The following ADAMTSL1 variants were observed in gnomAD, a reference collection of about 807,000 sequenced individuals.
The protein encoded by ADAMTSL1 is ADAMTS-like protein 1.
ADAMTSL1 carries 126 observed loss-of-function variants against 201.8 expected under a neutral mutation model. That is an observed-to-expected ratio of 0.62 (90% CI 0.54 to 0.72). The LOEUF (loss-of-function observed/expected upper bound fraction) is 0.72, where lower values mean the gene tolerates loss of function less well. Among genes scored for constraint, ADAMTSL1 ranks in the 30% least tolerant of loss-of-function variants. The pLI is 0.00. For missense variants in ADAMTSL1, 2,679 were observed against 2,277.8 expected, an observed-to-expected ratio of 1.18 and a Z score of -3.59; for synonymous variants, 1,121 against 903.4, an observed-to-expected ratio of 1.24 and a Z score of -4.32.
intron 2 of ADAMTSL1, among the ~76,000 whole-genome samples, chr9:18,358,811 C>G (rs907843264): frequency 3.9e-5 from 6 of 152,018 alleles, no homozygotes; most frequent in African/African-American, 1.5e-4. Flanking sequence ...TATCTTGGCT[C>G]TTATTAATAA....
chr9:18,111,713 A>C (rs1029149645), intron 1 of ADAMTSL1, among the ~76,000 whole-genome samples: 1 of 152,162 alleles, frequency 6.6e-6, no homozygotes, highest in Non-Finnish European at 1.5e-5. Context: ...CATGTAGTTA[A>C]ATAATACAGA....
At position 17,914,129 on chromosome 9, in the gene ADAMTSL1, C is replaced by G. The variant is rs537301170; in HGVS notation, c.87+7207C>G. Among the ~76,000 whole-genome samples the G allele has an allele frequency of 9.9e-5, 15 of 152,272 alleles. No individual in the cohort carries two copies. In the East Asian group the frequency reaches 2.1e-3, roughly 22 times the overall value. On this transcript the variant is annotated intron_variant, in intron 1 of 29. Coordinates refer to the ADAMTSL1 transcript ENST00000680146. ...TGGTACCATTCCTTCTGAAACTATTCCAATCAATAGAAAAAGAGGGAATCC... is the reference window on the plus strand; with the variant it reads ...TGGTACCATTCCTTCTGAAACTATTGCAATCAATAGAAAAAGAGGGAATCC...
chr9:18,338,852 A>G (rs1835353308), intron 2 of ADAMTSL1, among the ~76,000 whole-genome samples: 2 of 151,734 alleles, frequency 1.3e-5, no homozygotes, highest in Admixed American at 6.6e-5. Context: ...TTTAGCTCCC[A>G]CTTATAAGTG....
At chr9:18,451,342 A>G (rs1820397622) in intron 2 of ADAMTSL1, among the ~76,000 whole-genome samples, 1 of 152,188 alleles carries the variant, frequency 6.6e-6, no homozygotes, top group Non-Finnish European at 1.5e-5. Flanking sequence ...AACCTAGCTT[A>G]TAATTAGTTT....
At chr9:18,082,270 T>G (rs1385564795) in intron 1 of ADAMTSL1, among the ~76,000 whole-genome samples, 1 of 152,132 alleles carries the variant, frequency 6.6e-6, no homozygotes, top group Non-Finnish European at 1.5e-5. Flanking sequence ...TAGTAGAAAA[T>G]GTAAACTACA....
At chr9:18,392,082 C>T (rs7868683) in intron 2 of ADAMTSL1, among the ~76,000 whole-genome samples, 90,843 of 151,696 alleles carry the variant, frequency 0.6, 28,576 homozygotes, top group East Asian at 0.9. Flanking sequence ...CCTCGGCCTC[C>T]CAAAGTGCTG....
intron 9 of ADAMTSL1, among the ~76,000 whole-genome samples, chr9:18,672,980 C>T (rs946758246): frequency 1.3e-5 from 2 of 152,108 alleles, no homozygotes; most frequent in African/African-American, 4.8e-5. Flanking sequence ...GAACTGTGTG[C>T]CTGGTGGTCA....
At position 17,980,328 on chromosome 9, in the gene ADAMTSL1, A is replaced by T. The variant is rs1009596849; in HGVS notation, c.87+73406A>T. Among the ~76,000 whole-genome samples, 4 of 151,426 alleles carry T rather than the reference A, an allele frequency of 2.6e-5. No homozygotes were observed. The East Asian group carries it at 7.8e-4, about 29-fold the overall frequency. On this transcript the variant is annotated intron_variant, in intron 1 of 29. Coordinates refer to the ADAMTSL1 transcript ENST00000680146. ...TCTTGCTGACATTACCCCCCACCACATCTCTTTTTATTCTGCATTTTCCAT... is the reference window on the plus strand; with the variant it reads ...TCTTGCTGACATTACCCCCCACCACTTCTCTTTTTATTCTGCATTTTCCAT...
intron 2 of ADAMTSL1, among the ~76,000 whole-genome samples, chr9:18,427,650 C>T (rs1015719217): frequency 2.0e-5 from 3 of 152,264 alleles, no homozygotes; most frequent in Admixed American, 2.0e-4. Context: ...CTCTCTTAAA[C>T]TCTCAGGAGA....
At chr9:18,080,475 A>G (rs1015068746) in intron 1 of ADAMTSL1, among the ~76,000 whole-genome samples, 2 of 152,192 alleles carry the variant, frequency 1.3e-5, no homozygotes, top group Non-Finnish European at 2.9e-5. Context: ...TATCAGAGAA[A>G]AAGGTACTTG....
At chr9:18,687,827 G>A (rs548525983) in intron 13 of ADAMTSL1, among the ~76,000 whole-genome samples, 55 of 152,228 alleles carry the variant, frequency 3.6e-4, no homozygotes, top group African/African-American at 1.3e-3. Flanking sequence ...TAAATAACAC[G>A]TTATAGACCA....
chr9:18,718,715 A>G (rs148701999), intron 14 of ADAMTSL1, among the ~76,000 whole-genome samples: 85 of 152,322 alleles, frequency 5.6e-4, no homozygotes, highest in African/African-American at 1.9e-3. Flanking sequence ...AGTTCTATCA[A>G]GAAGGAGTTC....
intron 2 of ADAMTSL1, among the ~76,000 whole-genome samples, chr9:18,455,080 G>A (rs1820551254): frequency 1.3e-5 from 2 of 152,098 alleles, no homozygotes; most frequent in African/African-American, 4.8e-5. Context: ...ACTACTTCCT[G>A]TGGATCTCTA....
intron 1 of ADAMTSL1, among the ~76,000 whole-genome samples, chr9:18,499,427 A>T (rs894975575): frequency 6.6e-6 from 1 of 152,230 alleles, no homozygotes; most frequent in Non-Finnish European, 1.5e-5. Context: ...GAAGCCAAGG[A>T]TTAGATAAGA....
At chr9:18,530,434 A>T (rs1819373175) in intron 2 of ADAMTSL1, among the ~76,000 whole-genome samples, 1 of 152,140 alleles carries the variant, frequency 6.6e-6, no homozygotes, top group African/African-American at 2.4e-5. Flanking sequence ...TCACCATTGA[A>T]TCTCCTCCGT....
At chr9:18,778,988 C>A (rs1821224768) in intron 19 of ADAMTSL1, among the ~76,000 whole-genome samples, 1 of 152,296 alleles carries the variant, frequency 6.6e-6, no homozygotes, top group Non-Finnish European at 1.5e-5. Context: ...GACTAATAGT[C>A]TTCTCTGGCT....
At chr9:18,178,790 A>C (rs974796328) in intron 2 of ADAMTSL1, among the ~76,000 whole-genome samples, 2 of 152,188 alleles carry the variant, frequency 1.3e-5, no homozygotes, top group African/African-American at 4.8e-5. Flanking sequence ...ATGGCCAGGT[A>C]CTCCAACAGA....
rs373684786 is a variant in ADAMTSL1 at position 18,864,302 on chromosome 9, C to T, written c.4250-23529C>T. 6.6e-5 allele frequency among the ~76,000 whole-genome samples: 10 copies of T among 152,258 alleles called. No homozygotes were observed. In the East Asian group the frequency reaches 1.2e-3, roughly 18 times the overall value. ...TGGAGAGGGGGAAGAGGAGAAAAAA[C>T]GTGCACTCAGAATTCTTGCTTCTGC... On this transcript the variant is annotated intron_variant, in intron 23 of 28. Transcript: ENST00000380548.
intron 15 of ADAMTSL1, chr9:18,723,079 G>A (rs1440057530): frequency 1.3e-6 from 1 of 778,238 alleles, no homozygotes; most frequent in African/African-American, 1.7e-5. Context: ...CAAGAGGCCT[G>A]GCTTCTCATC....
Sources: gnomAD v4.1 joint callset for allele counts (sites outside exome capture counted in the v4.1 genomes callset) on GRCh38, gnomAD v4.1.1 for gene constraint, MANE v1.5 for transcripts, NCBI Gene and HGNC (gene_info 2026-07-23, HGNC 2026-07-21) for gene names.